The following BARD1 variants were observed in gnomAD, a reference collection of about 807,000 sequenced individuals.
BARD1 encodes the protein BRCA1-associated RING domain protein 1.
BARD1 carries 73 observed loss-of-function variants against 77.0 expected under a neutral mutation model. The ratio of observed to expected loss-of-function variants is 0.95; its 90% confidence interval spans 0.79 to 1.15. The LOEUF (loss-of-function observed/expected upper bound fraction) is 1.15, where lower values mean the gene tolerates loss of function less well. BARD1 is among the 50% of genes most tolerant of loss of function. The pLI, the probability that BARD1 is intolerant of heterozygous loss-of-function variation, is 0.00. For synonymous variants in BARD1, 384 were observed against 338.0 expected (o/e 1.14, Z -1.49); for missense variants, 993 against 938.8 (o/e 1.06, Z -0.75).
At chr2:214,743,856 G>A (rs926684479) in intron 9 of BARD1, among the ~76,000 whole-genome samples, 1 of 152,082 alleles carries the variant, frequency 6.6e-6, no homozygotes, top group African/African-American at 2.4e-5. Context: ...TACCGTGCCT[G>A]GCCTGATTTC....
At chr2:214,734,949 T>C (rs1692509739) in intron 9 of BARD1, among the ~76,000 whole-genome samples, 2 of 152,184 alleles carry the variant, frequency 1.3e-5, no homozygotes, top group Non-Finnish European at 2.9e-5. Flanking sequence ...CACCGATTAG[T>C]GAATAATGAA....
intron 7 of BARD1, among the ~76,000 whole-genome samples, chr2:214,747,975 T>C (rs988874958): frequency 2.0e-4 from 31 of 152,020 alleles, no homozygotes; most frequent in African/African-American, 7.5e-4. Flanking sequence ...CTACAGTATT[T>C]CAAAAATTCT....
chr2:214,780,526 A>G, intron 4 of BARD1, 34 bp downstream of exon 4: 6 of 1,593,640 alleles, frequency 3.8e-6, no homozygotes, highest in Non-Finnish European at 5.2e-6. Context: ...AGTTGGCCTC[A>G]TTCTGAGATG....
At chr2:214,740,492 C>T (rs1167791570) in intron 9 of BARD1, among the ~76,000 whole-genome samples, 1 of 152,006 alleles carries the variant, frequency 6.6e-6, no homozygotes, top group Non-Finnish European at 1.5e-5. Context: ...CAGTAACCCA[C>T]CAATTTACTG....
At position 214,792,226 on chromosome 2, in the gene BARD1, T is replaced by A. The variant is rs1036569343; in HGVS notation, c.364+71A>T. The A allele has an allele frequency of 1.4e-5, 20 of 1,422,004 alleles. No homozygotes were observed. In the African/African-American group the frequency reaches 2.6e-4, roughly 18 times the overall value. 88.1% of individuals were successfully genotyped at this position (1,422,004 alleles called of 1,614,324 possible). A position where few individuals can be genotyped will look rare whatever the true frequency, so the allele number is the denominator to read the frequency against. Reference sequence around the variant, plus strand: ...CAGAACTCCAGATAGATGTTTTATATACTTTATGAATATGAATTCATCAGT... The same window carrying A: ...CAGAACTCCAGATAGATGTTTTATAAACTTTATGAATATGAATTCATCAGT... On this transcript the variant is annotated intron_variant, in intron 3 of 10. Coordinates refer to ENST00000260947, the MANE Select transcript of BARD1 (RefSeq NM_000465.4).
At chr2:214,731,359 A>G (rs146644480) in intron 9 of BARD1, among the ~76,000 whole-genome samples, 1 of 152,332 alleles carries the variant, frequency 6.6e-6, no homozygotes, top group African/African-American at 2.4e-5. Flanking sequence ...CCCAGGACCA[A>G]TCATGAAGGA....
At chr2:214,780,189 T>G (rs1488627103) in intron 4 of BARD1, among the ~76,000 whole-genome samples, 2 of 152,204 alleles carry the variant, frequency 1.3e-5, no homozygotes, top group Non-Finnish European at 2.9e-5. Flanking sequence ...ATGGGCTTTT[T>G]TACTAAGTAA....
chr2:214,773,705 G>GTGGATGGTCTTGCCTTGATGCTGC (rs1458182016), intron 4 of BARD1, among the ~76,000 whole-genome samples: 1 of 152,162 alleles, frequency 6.6e-6, no homozygotes, highest in Non-Finnish European at 1.5e-5. Context: ...TGTTTTGCTG[G>GTGGATGGTCTTGCCTTGATGCTGC]TGGATGGTCT....
intron 9 of BARD1, among the ~76,000 whole-genome samples, chr2:214,736,705 A>G (rs1399922754): frequency 6.6e-6 from 1 of 151,518 alleles, no homozygotes; most frequent in African/African-American, 2.5e-5. Context: ...TCCAGTAAGT[A>G]TGGCATCAAA....
Position 214,729,147 on chromosome 2 carries a change from T to G in BARD1, c.2002-139A>C, listed in dbSNP as rs2075622. 0.61 allele frequency: 663,677 copies of G among 1,092,378 alleles called. 205,386 individuals are homozygous for G. The highest frequency in any genetic ancestry group is 0.76 in the African/African-American group (48,001 of 62,778). The allele number at this position is 1,092,378 out of a possible 1,614,324, so 67.7% of individuals were successfully genotyped here. ...TTGGAGGAGAAGCATTTCAGATTCA[T>G]AAATTTTTTGGGTTTTGGAAAATTT... On this transcript the variant is annotated intron_variant, in intron 10 of 10. Coordinates refer to ENST00000260947, the MANE Select transcript of BARD1 (RefSeq NM_000465.4).
intron 1 of BARD1, among the ~76,000 whole-genome samples, chr2:214,804,481 T>C (rs888436055): frequency 1.3e-5 from 2 of 152,110 alleles, no homozygotes; most frequent in African/African-American, 4.8e-5. Context: ...ATCTCACAAA[T>C]AAATTCTAAC....
rs587780859 is a variant in BARD1 at position 214,781,136 on chromosome 2, T to C, written c.738A>G (p.Pro246=). The C allele has an allele frequency of 1.3e-4, 201 of 1,574,788 alleles. No individual in the cohort carries two copies. Among genetic ancestry groups the C allele is most frequent in the Non-Finnish European group, 1.7e-4 (197 of 1,164,894 alleles). The change falls in exon 4 of 11, where the codon CCA becomes CCG. Residue 246 remains proline (P), a synonymous_variant. Coordinates refer to ENST00000260947, the MANE Select transcript of BARD1 (RefSeq NM_000465.4). ...KQKLVSFCSQ[P]SVISSPQING... ...TTATCTGAGGACTGGAGATAACAGA[T>C]GGTTGGCTACAGAAGGATACCAGCT...
At position 214,801,849 on chromosome 2, in the gene BARD1, C is replaced by CA. The variant is rs375874068; in HGVS notation, c.159-4733_159-4732insT. On this transcript the variant is annotated intron_variant, in intron 1 of 10. Coordinates refer to ENST00000260947, the MANE Select transcript of BARD1 (RefSeq NM_000465.4). ...TCAATGTTGAAAACCAAATATTTGG[C>CA]GGGGGGGGGGGTTGTTTTTGTTTTT... 1.8e-4 allele frequency among the ~76,000 whole-genome samples: 21 copies of CA among 113,750 alleles called. 1 individual carries two copies. Among genetic ancestry groups the CA allele is most frequent in the Admixed American group, 1.7e-3 (16 of 9,356 alleles). The allele number at this position is 113,750 out of a possible 152,430, so 74.6% of individuals were successfully genotyped here.
At chr2:214,802,122 T>C (rs1024008129) in intron 1 of BARD1, among the ~76,000 whole-genome samples, 2 of 152,194 alleles carry the variant, frequency 1.3e-5, no homozygotes, top group African/African-American at 4.8e-5. Context: ...GACTCACAAT[T>C]TTTTAGCTTT....
At chr2:214,757,992 AG>A (rs1436155177) in intron 6 of BARD1, among the ~76,000 whole-genome samples, 2 of 152,204 alleles carry the variant, frequency 1.3e-5, no homozygotes. Context: ...AATGTACCAC[AG>A]GAATATGAGG....
At chr2:214,746,013 TA>T (rs1448898376) in intron 7 of BARD1, among the ~76,000 whole-genome samples, 159 bp from the exon 8 acceptor site, 2 of 152,302 alleles carry the variant, frequency 1.3e-5, no homozygotes, top group East Asian at 3.9e-4. Flanking sequence ...ACCTTTTAAA[TA>T]AATTTTTTCT....
chr2:214,754,356 G>GA lies in BARD1; in HGVS notation c.1569-1802dup, dbSNP rs796454655. Among the ~76,000 whole-genome samples the GA allele has an allele frequency of 5.9e-3, 847 of 144,496 alleles. 8 individuals are homozygous for GA. The highest frequency in any genetic ancestry group is 0.02 in the African/African-American group (790 of 39,612). The allele number at this position is 144,496 out of a possible 152,430, so 94.8% of individuals were successfully genotyped here. A position where few individuals can be genotyped will look rare whatever the true frequency, so the allele number is the denominator to read the frequency against. Reference sequence around the variant, plus strand: ...GTTTCAACAAAAAAAGAAAAAATGAGAAAAAAAAAAATCCATGCATACACT... The same window carrying GA: ...GTTTCAACAAAAAAAGAAAAAATGAGAAAAAAAAAAAATCCATGCATACACT... On this transcript the variant is annotated intron_variant, in intron 6 of 10. Coordinates refer to ENST00000260947, the MANE Select transcript of BARD1 (RefSeq NM_000465.4).
At chr2:214,772,455 A>G (rs1461149762) in intron 4 of BARD1, among the ~76,000 whole-genome samples, 1 of 152,218 alleles carries the variant, frequency 6.6e-6, no homozygotes, top group African/African-American at 2.4e-5. Context: ...TAATGCAAAA[A>G]AAAAATATTA....
chr2:214,790,844 T>C (rs1297505775), intron 3 of BARD1, among the ~76,000 whole-genome samples: 4 of 152,158 alleles, frequency 2.6e-5, no homozygotes, highest in Non-Finnish European at 1.5e-5. Context: ...AGAAGCTCAC[T>C]GATCCCTTAC....
Sources: gnomAD v4.1 joint callset for allele counts (sites outside exome capture counted in the v4.1 genomes callset) on GRCh38, gnomAD v4.1.1 for gene constraint, MANE v1.5 for transcripts, NCBI Gene and HGNC (gene_info 2026-07-23, HGNC 2026-07-21) for gene names.